COPA: variants seen among roughly 807,000 people sequenced by gnomAD.
COPA encodes coatomer subunit alpha.
COPA carries 10 observed loss-of-function variants against 158.7 expected under a neutral mutation model. The ratio of observed to expected loss-of-function variants is 0.06; its 90% confidence interval spans 0.04 to 0.11. COPA has a LOEUF of 0.11. Among genes scored for constraint, COPA ranks in the 10% least tolerant of loss-of-function variants. The probability of loss-of-function intolerance (pLI) is 1.00; values close to 1 mark genes in which losing one functional copy is unlikely to be tolerated. For synonymous variants in COPA, 462 were observed against 542.8 expected (o/e 0.85, Z 2.07); for missense variants, 1,065 against 1,536.7 (o/e 0.69, Z 5.13).
At chr1:160,308,718 G>A (rs1305579901) in intron 13 of COPA, among the ~76,000 whole-genome samples, 1 of 152,186 alleles carries the variant, frequency 6.6e-6, no homozygotes, top group Admixed American at 6.5e-5. Flanking sequence ...GGATCTGGAT[G>A]TGGATAGGAC....
chr1:160,335,394 C>T (rs1647710223), intron 3 of COPA, 72 bp from the exon 4 acceptor site: 8 of 1,194,570 alleles, frequency 6.7e-6, no homozygotes, highest in Non-Finnish European at 9.4e-6. Flanking sequence ...AAATTGATAT[C>T]TTTACAGAGA....
rs200318072 is a variant in COPA, at chr1:160,293,168, G to C, written c.2821C>G (p.Arg941Gly). The C allele has an allele frequency of 6.2e-7, 1 of 1,614,086 alleles. No individual in the cohort carries two copies. Among genetic ancestry groups the C allele is most frequent in the South Asian group, 1.1e-5 (1 of 91,072 alleles). ...ILAGSFETAM[R>G]LLHDQVGVIQ... ...GAGGAAAAGCCAAGGTTACTTACCC[G>C]CATGGCTGTTTCGAAAGAGCCTGCC... is the stretch of plus-strand genomic sequence containing the variant. The change falls in exon 27 of 33, where the codon CGG becomes GGG. Residue 941 changes from arginine (R) to glycine (G), a missense_variant and splice_region_variant. Physicochemically the swap from Arg to Gly is moderately radical, Grantham distance 125 (BLOSUM62 -2). Around this residue, in one of 2 missense-constraint regions of COPA, gnomAD observed 980 missense variants for 1,357.8 expected, o/e 0.72. Transcript: ENST00000241704.
intron 29 of COPA, 34 bp from the exon 30 acceptor site, chr1:160,291,963 C>A: frequency 6.2e-7 from 1 of 1,614,134 alleles, no homozygotes; most frequent in Non-Finnish European, 8.5e-7. Context: ...GATACAGAGA[C>A]AAGAATGTGG....
chr1:160,291,962 A>G, intron 29 of COPA, 33 bp from the exon 30 acceptor site: 1 of 1,614,138 alleles, frequency 6.2e-7, no homozygotes, highest in Non-Finnish European at 8.5e-7. Context: ...GGATACAGAG[A>G]CAAGAATGTG....
chr1:160,290,431 G>A (rs1009080832), intron 32 of COPA, 61 bp downstream of exon 32: 1 of 1,553,142 alleles, frequency 6.4e-7, no homozygotes. Flanking sequence ...GGACCACCAT[G>A]TTTCTTTCTT....
In COPA at chr1:160,289,937, G is replaced by C; in HGVS notation, c.*220C>G. On this transcript the variant is annotated 3_prime_UTR_variant, in exon 33 of 33. Transcript: ENST00000241704. ...AAAATAATTAAGCTGGAAAGGCAAG[G>C]ACAATTATGAGCACAACTGTAGTCA... 1.9e-6 allele frequency: 1 copy of C among 532,476 alleles called. No homozygotes were observed. Among genetic ancestry groups the C allele is most frequent in the South Asian group, 2.6e-5 (1 of 38,706 alleles). The allele number at this position is 532,476 out of a possible 1,614,324, so 33.0% of individuals were successfully genotyped here.
chr1:160,309,245 C>G (rs1486955485), intron 12 of COPA, 69 bp from the exon 13 acceptor site: 10 of 1,203,058 alleles, frequency 8.3e-6, no homozygotes, highest in Non-Finnish European at 1.2e-5. Flanking sequence ...CCAATTTACT[C>G]TGACAGAGAA....
intron 4 of COPA, among the ~76,000 whole-genome samples, chr1:160,333,929 G>T (rs1200077706): frequency 1.3e-5 from 2 of 151,558 alleles, no homozygotes; most frequent in Non-Finnish European, 2.9e-5. Flanking sequence ...ATTCTCAGAG[G>T]CAGATAGTGA....
intron 6 of COPA, among the ~76,000 whole-genome samples, chr1:160,326,824 G>T (rs186194370): frequency 1.3e-5 from 2 of 152,314 alleles, no homozygotes; most frequent in Admixed American, 6.5e-5. Flanking sequence ...ACCTTTGGAG[G>T]CTAGTTTTAC....
At chr1:160,331,715 C>T (rs907633302) in intron 6 of COPA, among the ~76,000 whole-genome samples, 5 of 149,024 alleles carry the variant, frequency 3.4e-5, no homozygotes, top group African/African-American at 5.0e-5. Flanking sequence ...TTTGGGAGGC[C>T]GAGGCAGGCA....
chr1:160,296,383 T>C (rs748059571), intron 21 of COPA, among the ~76,000 whole-genome samples: 15 of 152,242 alleles, frequency 9.9e-5, no homozygotes, highest in African/African-American at 1.4e-4. Flanking sequence ...GTGGCTTCTA[T>C]CTTGGGGTGC....
At chr1:160,318,492 C>CAAAAAAAAAAAAAA (rs1184111001) in intron 8 of COPA, among the ~76,000 whole-genome samples, 1 of 58,080 alleles carries the variant, frequency 1.7e-5, no homozygotes, top group Non-Finnish European at 2.8e-5. Context: ...AAAAAAAAAA[C>CAAAAAAAAAAAAAA]AAAAAAAAAA....
chr1:160,300,898 C>T (rs1041288704), intron 17 of COPA, among the ~76,000 whole-genome samples: 4 of 152,078 alleles, frequency 2.6e-5, no homozygotes, highest in African/African-American at 7.2e-5. Flanking sequence ...GCAGGCGGAT[C>T]ACCTGAGGTC....
rs1216638001 is a variant in COPA, at chr1:160,305,575, T to G, written c.1529-4A>C. ...TTGCGGTTACAGATCACAATGGCTG[T>G]AAGAGGCAAAGGGCATGAGTGTTCT... On this transcript the variant is annotated splice_polypyrimidine_tract_variant and splice_region_variant and intron_variant, in intron 16 of 32. Coordinates refer to ENST00000241704, the MANE Select transcript of COPA (RefSeq NM_004371.4). The G allele has an allele frequency of 6.2e-7, 1 of 1,614,170 alleles. No individual in the cohort carries two copies. Among genetic ancestry groups the G allele is most frequent in the Admixed American group, 1.7e-5 (1 of 60,016 alleles).
chr1:160,312,407 G>A (rs1265564716), intron 10 of COPA, among the ~76,000 whole-genome samples: 4 of 152,146 alleles, frequency 2.6e-5, no homozygotes, highest in Non-Finnish European at 5.9e-5. Flanking sequence ...TATAAAAAGA[G>A]TATAAGAAGT....
intron 17 of COPA, among the ~76,000 whole-genome samples, chr1:160,304,695 G>A (rs550687723): frequency 6.6e-6 from 1 of 152,110 alleles, no homozygotes; most frequent in Non-Finnish European, 1.5e-5. Flanking sequence ...CCTAATAAAT[G>A]TGAAGATATG....
chr1:160,299,408 T>C (rs1188298896), intron 17 of COPA, 144 bp from the exon 18 acceptor site: 1 of 728,646 alleles, frequency 1.4e-6, no homozygotes, highest in African/African-American at 1.8e-5. Flanking sequence ...AGAGCAGAAC[T>C]AAATGCCAAA....
chr1:160,335,680 G>A (rs1053599821), intron 3 of COPA, among the ~76,000 whole-genome samples: 4 of 151,078 alleles, frequency 2.6e-5, no homozygotes, highest in African/African-American at 4.9e-5. Context: ...TCAGGAGATC[G>A]AGACCATCCT....
chr1:160,335,260 G>A lies in COPA; in HGVS notation c.291C>T (p.Arg97=), dbSNP rs971743876. 6.2e-7 allele frequency: 1 copy of A among 1,611,168 alleles called. No homozygotes were observed. The highest frequency in any genetic ancestry group is 8.5e-7 in the Non-Finnish European group (1 of 1,178,504). The change falls in exon 4 of 33, where the codon CGC becomes CGT. Residue 97 remains arginine (R), a synonymous_variant. Coordinates refer to ENST00000241704, the MANE Select transcript of COPA (RefSeq NM_004371.4). ...TACTTACATGATGAAAAAACGTGGT[G>A]CGAATATAATCTAAGTGCCCAAGCA... ...FTLLGHLDYI[R]TTFFHHEYPW... is the part of the protein sequence containing the mutation.
Sources: allele counts gnomAD v4.1 joint callset (sites outside exome capture counted in the v4.1 genomes callset), GRCh38; gene constraint gnomAD v4.1.1; regional missense constraint gnomAD v4.1.1; transcripts MANE v1.5; gene names NCBI Gene and HGNC (gene_info 2026-07-23, HGNC 2026-07-21).